The following ARNT variants were observed in gnomAD, a reference collection of about 807,000 sequenced individuals.
ARNT encodes class E basic helix-loop-helix protein 2.
Under a neutral mutation model 105.0 loss-of-function variants are expected in ARNT, and 30 were observed. The ratio of observed to expected loss-of-function variants is 0.29; its 90% CI spans 0.21 to 0.39. The LOEUF (loss-of-function observed/expected upper bound fraction) is 0.39. Ranked by LOEUF, ARNT falls within the 10% of genes least tolerant of loss-of-function variation. ARNT has a pLI of 1.00. For missense variants in ARNT, 748 were observed against 978.7 expected (o/e 0.76, Z 3.15); for synonymous variants, 304 against 344.0 (o/e 0.88, Z 1.29).
intron 2 of ARNT, 68 bp from the exon 3 acceptor site, chr1:150,852,874 C>G (rs756586173): frequency 6.3e-7 from 1 of 1,584,576 alleles, no homozygotes; most frequent in East Asian, 2.2e-5. Context: ...GTTAAAATTT[C>G]TCAACACAAG....
At chr1:150,852,828 T>C (rs370099862) in intron 2 of ARNT, 22 bp from the exon 3 acceptor site, 17 of 1,613,810 alleles carry the variant, frequency 1.1e-5, no homozygotes, top group African/African-American at 9.3e-5. Flanking sequence ...CAACAATAAA[T>C]ACTTTAAGCC....
chr1:150,846,041 A>G (rs907123385), intron 4 of ARNT, among the ~76,000 whole-genome samples: 2 of 152,218 alleles, frequency 1.3e-5, no homozygotes, highest in Admixed American at 6.5e-5. Flanking sequence ...TATCACATAC[A>G]CAGAAAAACA....
In ARNT at chr1:150,816,427, T is replaced by A. The variant is rs370635753; in HGVS notation, c.1803-21A>T. On this transcript the variant is annotated intron_variant, in intron 18 of 21. Coordinates refer to ENST00000358595, the MANE Select transcript of ARNT (RefSeq NM_001668.4). ...TATTCCTAGGAGTGAATAAATGAGG[T>A]AAAAGATTAAAAGGATAGATTTATC... The A allele has an allele frequency of 1.6e-5, 26 of 1,593,478 alleles. No individual in the cohort carries two copies. In the African/African-American group the frequency reaches 3.0e-4, roughly 18 times the overall value.
chr1:150,841,965 G>A (rs1257716891), intron 5 of ARNT, among the ~76,000 whole-genome samples: 2 of 152,168 alleles, frequency 1.3e-5, no homozygotes, highest in Admixed American at 1.3e-4. Flanking sequence ...GAATAATCTA[G>A]GCTGTGAGTC....
chr1:150,821,968 C>T (rs1657194796), intron 14 of ARNT, among the ~76,000 whole-genome samples: 1 of 150,612 alleles, frequency 6.6e-6, no homozygotes, highest in Non-Finnish European at 1.5e-5. Context: ...GATGGGATTA[C>T]AGGTGTGAGC....
chr1:150,825,678 G>A (rs372979233), intron 13 of ARNT, among the ~76,000 whole-genome samples: 2 of 151,836 alleles, frequency 1.3e-5, no homozygotes, highest in Non-Finnish European at 2.9e-5. Context: ...GTGAAACCCC[G>A]CCTCTACTAA....
intron 14 of ARNT, among the ~76,000 whole-genome samples, chr1:150,818,769 A>AAACAAAT (rs1360666376): frequency 6.6e-6 from 1 of 151,760 alleles, no homozygotes; most frequent in African/African-American, 2.4e-5. Context: ...ACAAACAAAC[A>AAACAAAT]AATCCCTAAA....
chr1:150,826,675 G>A (rs1335360043), intron 12 of ARNT, 58 bp from the exon 13 acceptor site: 13 of 1,323,890 alleles, frequency 9.8e-6, no homozygotes, highest in East Asian at 2.4e-5. Context: ...ATGGAGTTTC[G>A]CTCTTGTTGC....
Position 150,874,443 on chromosome 1 carries a change from G to T in ARNT, c.25+2100C>A, listed in dbSNP as rs80040679. ...TGTCTCACATCTGTATTCCCAACTTGGAGAGACTGAGGCAAGGCTTGCTTG... is the reference window on the plus strand; with the variant it reads ...TGTCTCACATCTGTATTCCCAACTTTGAGAGACTGAGGCAAGGCTTGCTTG... On this transcript the variant is annotated intron_variant, in intron 1 of 21. Coordinates refer to ENST00000358595, the MANE Select transcript of ARNT (RefSeq NM_001668.4). Among the ~76,000 whole-genome samples the T allele has an allele frequency of 9.0e-3, 1,371 of 152,300 alleles. 9 individuals are homozygous for T. Among genetic ancestry groups the T allele is most frequent in the Non-Finnish European group, 0.011 (719 of 68,032 alleles).
intron 7 of ARNT, 101 bp downstream of exon 7, chr1:150,836,179 C>A: frequency 8.8e-7 from 1 of 1,132,854 alleles, no homozygotes; most frequent in South Asian, 1.6e-5. Flanking sequence ...TGAAGCCTTG[C>A]CAGAGTCAAC....
chr1:150,862,944 G>A (rs587594753), intron 1 of ARNT, among the ~76,000 whole-genome samples: 2 of 151,426 alleles, frequency 1.3e-5, no homozygotes, highest in East Asian at 1.9e-4. Context: ...CCAGCTACTC[G>A]GGAGGCTGAG....
chr1:150,818,026 A>G lies in ARNT; in HGVS notation c.1399T>C (p.Ser467Pro). ...IICTNTNVKN[S>P]SQEPRPTLSN... ...AGTGTAGGCCGTGGTTCTTGGCTAG[A>G]GTTCCTAGGAAACCAGAGTAGACAG... Residue 467 changes from serine (S) to proline (P), a missense_variant, in exon 15 of 22, where the codon TCT becomes CCT. By Grantham distance (74) the Ser-to-Pro change is moderately conservative. Transcript: ENST00000358595. 6.2e-7 allele frequency: 1 copy of G among 1,609,012 alleles called. No individual in the cohort carries two copies. Among genetic ancestry groups the G allele is most frequent in the Non-Finnish European group, 8.5e-7 (1 of 1,177,348 alleles).
rs1398983953 is a variant in ARNT, at chr1:150,836,500, A to C, written c.487-7T>G. ...AGATCAAATGTTTCAGTTCCTGCGC[A>C]AGAAAAAGAAATAGAAGTTAATATT... On this transcript the variant is annotated splice_polypyrimidine_tract_variant and splice_region_variant and intron_variant, in intron 6 of 21. Transcript: ENST00000358595. 2.5e-6 allele frequency: 4 copies of C among 1,612,056 alleles called. No individual in the cohort carries two copies. Among genetic ancestry groups the C allele is most frequent in the Admixed American group, 3.4e-5 (2 of 59,666 alleles).
At chr1:150,867,259 GT>G (rs1177265153) in intron 1 of ARNT, among the ~76,000 whole-genome samples, 5 of 151,190 alleles carry the variant, frequency 3.3e-5, no homozygotes, top group Admixed American at 3.3e-4. Flanking sequence ...GCTGGGCATC[GT>G]GTCATACACC....
chr1:150,858,263 C>T (rs1366071798), intron 2 of ARNT, 86 bp downstream of exon 2: 18 of 986,948 alleles, frequency 1.8e-5, no homozygotes, highest in East Asian at 1.6e-4. Flanking sequence ...TCAGGAATAG[C>T]GAAGTGAGTT....
In ARNT at chr1:150,823,310, C is replaced by A; in HGVS notation, c.1278G>T (p.Met426Ile). 6.2e-7 allele frequency: 1 copy of A among 1,613,346 alleles called. No homozygotes were observed. Among genetic ancestry groups the A allele is most frequent in the South Asian group, 1.1e-5 (1 of 91,026 alleles). Residue 426 changes from methionine (M) to isoleucine (I), a missense_variant, in exon 14 of 22, where the codon ATG (methionine) becomes ATT (isoleucine). Met to Ile is a conservative substitution (Grantham distance 10, BLOSUM62 1). This residue lies in a region of ARNT where 291 missense variants were observed against 444.6 expected (regional missense o/e 0.65). Coordinates refer to ENST00000358595, the MANE Select transcript of ARNT (RefSeq NM_001668.4). ...VKLKGQVLSV[M>I]FRFRSKNQEW... ...CTTGGTTCTTAGACCGGAACCGGAACATGACAGACAGCACTTGGCCTTTTA... is the reference window on the plus strand; with the variant it reads ...CTTGGTTCTTAGACCGGAACCGGAAAATGACAGACAGCACTTGGCCTTTTA...
At position 150,858,433 on chromosome 1, in the gene ARNT, C is replaced by G. The variant is rs754424632; in HGVS notation, c.53G>C (p.Gly18Ala). The G allele has an allele frequency of 6.2e-7, 1 of 1,608,762 alleles. No individual in the cohort carries two copies. The highest frequency in any genetic ancestry group is 8.5e-7 in the Non-Finnish European group (1 of 1,177,230). The change falls in exon 2 of 22, where the codon GGT becomes GCT. Residue 18 changes from glycine (G) to alanine (A), a missense_variant. Gly to Ala is a moderately conservative substitution (Grantham distance 60). Transcript: ENST00000358595. ...PEMTSDVPSL[G>A]PAIASGNSGP... is the part of the protein sequence containing the mutation. ...AGAGTTTCCAGAGGCAATGGCTGGA[C>G]CCAGTGATGGTACATCTGATGTCAT...
At chr1:150,844,651 AATTT>A (rs1382867843) in intron 4 of ARNT, among the ~76,000 whole-genome samples, 3 of 152,242 alleles carry the variant, frequency 2.0e-5, no homozygotes, top group Admixed American at 6.5e-5. Flanking sequence ...AAAAAGAAAT[AATTT>A]ATTGCCTAAT....
intron 1 of ARNT, among the ~76,000 whole-genome samples, chr1:150,872,499 G>T (rs192564621): frequency 2.2e-3 from 333 of 152,200 alleles, no homozygotes; most frequent in Non-Finnish European, 3.7e-3. Flanking sequence ...AGCACAAAAA[G>T]AATTCTCTGC....
Sources: gnomAD v4.1 joint callset for allele counts (sites outside exome capture counted in the v4.1 genomes callset) on GRCh38, gnomAD v4.1.1 for gene constraint, gnomAD v4.1.1 regional missense constraint, MANE v1.5 for transcripts, NCBI Gene and HGNC (gene_info 2026-07-23, HGNC 2026-07-21) for gene names.